SUPT3H: variants seen among roughly 807,000 people sequenced by gnomAD.
The protein encoded by SUPT3H is SPT3 homolog, SAGA and STAGA complex component.
In SUPT3H, 44 loss-of-function variants were observed where a neutral mutation model predicts 44.3. That is an observed-to-expected ratio of 0.99 (90% CI 0.78 to 1.28). The LOEUF (loss-of-function observed/expected upper bound fraction) is 1.28, where lower values mean the gene tolerates loss of function less well. SUPT3H is among the 50% of genes most tolerant of loss of function. The probability of loss-of-function intolerance (pLI) is 0.00; values close to 1 mark genes in which losing one functional copy is unlikely to be tolerated. For missense variants in SUPT3H, 380 were observed against 387.1 expected, an observed-to-expected ratio of 0.98 and a Z score of 0.15; for synonymous variants, 124 against 125.6, an observed-to-expected ratio of 0.99 and a Z score of 0.09.
intron 2 of SUPT3H, among the ~76,000 whole-genome samples, chr6:45,317,077 A>G (rs1784804175): frequency 6.6e-6 from 1 of 151,868 alleles, no homozygotes; most frequent in Non-Finnish European, 1.5e-5. Context: ...AAATACAAAA[A>G]TTAGCCAGGC....
chr6:45,120,422 A>AAAAAAAAAAAAAAAAAAAAAAAC (rs1333803987), intron 2 of SUPT3H, among the ~76,000 whole-genome samples: 1 of 143,840 alleles, frequency 7.0e-6, no homozygotes, highest in Non-Finnish European at 1.5e-5. Context: ...TTGTCTAAAA[A>AAAAAAAAAAAAAAAAAAAAAAAC]AAAAAAAAAA....
chr6:44,827,096 G>C lies in SUPT3H; in HGVS notation c.*2720C>G, dbSNP rs1396721060. Among the ~76,000 whole-genome samples, 1 of 151,988 alleles carries C rather than the reference G, an allele frequency of 6.6e-6. No individual in the cohort carries two copies. The highest frequency in any genetic ancestry group is 1.5e-5 in the Non-Finnish European group (1 of 67,942). On this transcript the variant is annotated 3_prime_UTR_variant, in exon 11 of 11. Transcript: ENST00000371459. The stretch of plus-strand genomic sequence containing the variant: ...AATCTAGGAAGCAGTATCAAGAGAC[G>C]CTATTTATTTATTGGCTTATTTATT...
chr6:45,099,670 T>C (rs1008863807), intron 3 of SUPT3H, among the ~76,000 whole-genome samples: 2 of 152,214 alleles, frequency 1.3e-5, no homozygotes, highest in Admixed American at 6.5e-5. Context: ...TATTCATCTT[T>C]GTATCGCTAT....
At chr6:45,028,434 C>CACTT (rs1786365872) in intron 3 of SUPT3H, among the ~76,000 whole-genome samples, 1 of 142,242 alleles carries the variant, frequency 7.0e-6, no homozygotes, top group African/African-American at 2.9e-5. Context: ...CCTGTCTACC[C>CACTT]ACTTTAAGCT....
intron 2 of SUPT3H, among the ~76,000 whole-genome samples, chr6:45,245,114 C>T (rs1430160131): frequency 1.3e-5 from 2 of 151,940 alleles, no homozygotes; most frequent in South Asian, 4.2e-4. Flanking sequence ...ATATTTTCTA[C>T]AAGTTTTTCA....
At chr6:45,235,278 A>G (rs1768878865) in intron 2 of SUPT3H, among the ~76,000 whole-genome samples, 1 of 152,190 alleles carries the variant, frequency 6.6e-6, no homozygotes, top group African/African-American at 2.4e-5. Context: ...AATAATTCTA[A>G]TAACTGAAAA....
intron 2 of SUPT3H, among the ~76,000 whole-genome samples, chr6:45,332,300 T>G (rs1251568980): frequency 6.6e-6 from 1 of 151,764 alleles, no homozygotes; most frequent in Non-Finnish European, 1.5e-5. Flanking sequence ...TATACTGTAC[T>G]TCTTTGTTGA....
chr6:44,824,000 TGTG>T (rs1581832871), downstream of SUPT3H, among the ~76,000 whole-genome samples: 4 of 152,118 alleles, frequency 2.6e-5, no homozygotes, highest in African/African-American at 9.7e-5. Context: ...ACTGCTTGGC[TGTG>T]GTTTAGAGTT....
intron 10 of SUPT3H, among the ~76,000 whole-genome samples, chr6:44,849,275 G>A (rs1772449671): frequency 7.1e-6 from 1 of 140,948 alleles, no homozygotes; most frequent in Non-Finnish European, 1.5e-5. Context: ...CGCCCAGGCT[G>A]GAGTGCAGTG....
At chr6:44,858,128 C>A (rs1774043611) in intron 10 of SUPT3H, among the ~76,000 whole-genome samples, 1 of 152,128 alleles carries the variant, frequency 6.6e-6, no homozygotes, top group Non-Finnish European at 1.5e-5. Flanking sequence ...TACAGTAGCA[C>A]TTATACTACA....
intron 2 of SUPT3H, among the ~76,000 whole-genome samples, chr6:45,273,528 T>A (rs1211628896): frequency 6.6e-6 from 1 of 152,224 alleles, no homozygotes; most frequent in Non-Finnish European, 1.5e-5. Context: ...ATACATGTTA[T>A]AACAAGTTAG....
At chr6:45,237,376 C>T (rs1229075480) in intron 2 of SUPT3H, among the ~76,000 whole-genome samples, 1 of 152,166 alleles carries the variant, frequency 6.6e-6, no homozygotes, top group Non-Finnish European at 1.5e-5. Context: ...ACCCGATGGA[C>T]AACCTGGGAA....
At chr6:44,978,564 T>C (rs1778656859) in intron 6 of SUPT3H, among the ~76,000 whole-genome samples, 1 of 152,144 alleles carries the variant, frequency 6.6e-6, no homozygotes, top group African/African-American at 2.4e-5. Context: ...AGAGATAGAT[T>C]TGCTAAACAA....
At chr6:44,892,590 T>C (rs1313627910) in intron 10 of SUPT3H, among the ~76,000 whole-genome samples, 1 of 152,146 alleles carries the variant, frequency 6.6e-6, no homozygotes, top group African/African-American at 2.4e-5. Context: ...ATGCAATTAA[T>C]ACACAGGGAA....
intron 6 of SUPT3H, among the ~76,000 whole-genome samples, chr6:44,968,732 T>G (rs1223798838): frequency 6.6e-6 from 1 of 152,106 alleles, no homozygotes; most frequent in African/African-American, 2.4e-5. Flanking sequence ...CCTCGTACAT[T>G]GTAAGATTCA....
At chr6:45,223,488 T>C (rs1270277335) in intron 2 of SUPT3H, among the ~76,000 whole-genome samples, 1 of 152,014 alleles carries the variant, frequency 6.6e-6, no homozygotes. Context: ...GAAATTCCAA[T>C]CTAAAATTTC....
intron 2 of SUPT3H, among the ~76,000 whole-genome samples, chr6:45,145,140 C>A (rs1282504711): frequency 6.6e-6 from 1 of 152,006 alleles, no homozygotes; most frequent in African/African-American, 2.4e-5. Flanking sequence ...ATACCAACAT[C>A]ATTTTTCACA....
chr6:44,866,952 G>C (rs1775601934), intron 10 of SUPT3H, among the ~76,000 whole-genome samples: 1 of 152,106 alleles, frequency 6.6e-6, no homozygotes, highest in African/African-American at 2.4e-5. Context: ...CACAATTTTA[G>C]ATATTCTCGG....
chr6:44,978,620 A>T (rs988417589), intron 6 of SUPT3H, among the ~76,000 whole-genome samples: 1 of 152,242 alleles, frequency 6.6e-6, no homozygotes. Context: ...GTAGGCTTTA[A>T]GTGGGAACAC....
Sources: gnomAD v4.1 joint callset for allele counts (sites outside exome capture counted in the v4.1 genomes callset) on GRCh38, gnomAD v4.1.1 for gene constraint, MANE v1.5 for transcripts, NCBI Gene and HGNC (gene_info 2026-07-23, HGNC 2026-07-21) for gene names.